NTRK2: variants seen among roughly 807,000 people sequenced by gnomAD.
NTRK2 encodes the protein BDNF/NT-3 growth factors receptor.
Under a neutral mutation model 94.5 loss-of-function variants are expected in NTRK2, and 13 were observed. The observed-to-expected ratio is 0.14, with a 90% CI of 0.09 to 0.22. The LOEUF (loss-of-function observed/expected upper bound fraction) is 0.22. Ranked by LOEUF, NTRK2 falls within the 10% of genes least tolerant of loss-of-function variation. NTRK2 has a pLI of 1.00. For synonymous variants in NTRK2, 372 were observed against 407.4 expected, an observed-to-expected ratio of 0.91 and a Z score of 1.05; for missense variants, 639 against 1,071.2, an observed-to-expected ratio of 0.60 and a Z score of 5.63.
intron 14 of NTRK2, among the ~76,000 whole-genome samples, chr9:84,925,136 C>A (rs931889968): frequency 3.3e-5 from 5 of 152,026 alleles, no homozygotes; most frequent in African/African-American, 1.2e-4. Flanking sequence ...CCACTGCCCT[C>A]TCTGCACCTT....
At chr9:84,799,474 G>A (rs888495898) in intron 12 of NTRK2, among the ~76,000 whole-genome samples, 1 of 152,134 alleles carries the variant, frequency 6.6e-6, no homozygotes, top group Non-Finnish European at 1.5e-5. Context: ...TCAGCTCTAG[G>A]TGAGTTTTTG....
intron 14 of NTRK2, among the ~76,000 whole-genome samples, chr9:84,922,902 T>C (rs1587939964): frequency 6.6e-6 from 1 of 152,162 alleles, no homozygotes; most frequent in African/African-American, 2.4e-5. Context: ...AAACAGATAT[T>C]AACACTACCT....
intron 12 of NTRK2, among the ~76,000 whole-genome samples, chr9:84,762,745 A>G (rs1335249644): frequency 6.6e-6 from 1 of 152,174 alleles, no homozygotes; most frequent in African/African-American, 2.4e-5. Flanking sequence ...GAGTAGCAGA[A>G]AATTAATCTC....
intron 7 of NTRK2, 97 bp downstream of exon 7, chr9:84,723,806 A>G (rs2062239414): frequency 6.7e-7 from 1 of 1,498,684 alleles, no homozygotes; most frequent in East Asian, 2.3e-5. Context: ...GATATTTTAT[A>G]AGGCTACATA....
At chr9:84,883,642 G>T (rs143743834) in intron 14 of NTRK2, among the ~76,000 whole-genome samples, 1 of 152,236 alleles carries the variant, frequency 6.6e-6, no homozygotes, top group East Asian at 1.9e-4. Context: ...ACCAAATAGC[G>T]GATGAGAAGA....
At chr9:84,832,950 C>T (rs539883774) in intron 12 of NTRK2, among the ~76,000 whole-genome samples, 1 of 152,252 alleles carries the variant, frequency 6.6e-6, no homozygotes, top group South Asian at 2.1e-4. Context: ...GGCACTCCTG[C>T]ACACTCTATG....
rs895493176 is a variant in NTRK2, at chr9:84,841,627, C to T, written c.1397-19413C>T. On this transcript the variant is annotated intron_variant, in intron 12 of 18. Coordinates refer to ENST00000277120, the MANE Select transcript of NTRK2 (RefSeq NM_006180.6). ...TCTTTGTTCAAATATCACTGTCTCC[C>T]GGAGGCCTTCCCTAACCATTGTTTT... Among the ~76,000 whole-genome samples, 33 of 152,272 alleles carry T rather than the reference C, an allele frequency of 2.2e-4. 1 individual carries two copies. Among genetic ancestry groups the T allele is most frequent in the Non-Finnish European group, 2.4e-4 (16 of 68,022 alleles).
At chr9:84,968,523 G>GT (rs1825824814) in intron 17 of NTRK2, among the ~76,000 whole-genome samples, 1 of 152,294 alleles carries the variant, frequency 6.6e-6, no homozygotes, top group African/African-American at 2.4e-5. Flanking sequence ...GGGAATCTGG[G>GT]TTTTTTGTCC....
At chr9:84,789,214 G>A (rs2068460023) in intron 12 of NTRK2, among the ~76,000 whole-genome samples, 1 of 152,162 alleles carries the variant, frequency 6.6e-6, no homozygotes, top group African/African-American at 2.4e-5. Context: ...ACACAGAGAG[G>A]CTACTGCCTG....
At chr9:84,885,923 C>T (rs971529820) in intron 14 of NTRK2, among the ~76,000 whole-genome samples, 3 of 152,042 alleles carry the variant, frequency 2.0e-5, no homozygotes, top group Non-Finnish European at 2.9e-5. Context: ...CCCAGCTACT[C>T]AGGAGGCTGA....
chr9:84,703,026 T>C (rs2060827905), intron 4 of NTRK2, among the ~76,000 whole-genome samples: 1 of 152,240 alleles, frequency 6.6e-6, no homozygotes. Context: ...AAATGGGAAC[T>C]GTTAGCTTGT....
At chr9:84,852,033 C>T (rs1291269325) in intron 12 of NTRK2, among the ~76,000 whole-genome samples, 3 of 152,220 alleles carry the variant, frequency 2.0e-5, no homozygotes, top group Non-Finnish European at 4.4e-5. Flanking sequence ...CCTTCCTTCA[C>T]GCTGGGCTCA....
At chr9:85,011,708 A>T (rs1378565989) in intron 17 of NTRK2, among the ~76,000 whole-genome samples, 1 of 152,162 alleles carries the variant, frequency 6.6e-6, no homozygotes, top group Admixed American at 6.5e-5. Flanking sequence ...TGGTCTGTGG[A>T]ACTTTCCTGT....
At chr9:84,831,317 G>A (rs560760368) in intron 12 of NTRK2, among the ~76,000 whole-genome samples, 8 of 152,258 alleles carry the variant, frequency 5.3e-5, no homozygotes, top group East Asian at 1.9e-4. Flanking sequence ...CCATTTGTTA[G>A]CAACCTTGTT....
intron 14 of NTRK2, among the ~76,000 whole-genome samples, chr9:84,893,350 C>T (rs866764478): frequency 2.0e-5 from 3 of 152,222 alleles, no homozygotes; most frequent in African/African-American, 7.2e-5. Flanking sequence ...TGTAAGTGCA[C>T]CTCTTTGTGC....
At chr9:84,916,020 T>C (rs10868238) in intron 14 of NTRK2, among the ~76,000 whole-genome samples, 73,667 of 151,634 alleles carry the variant, frequency 0.49, 19,383 homozygotes, top group South Asian at 0.65. Flanking sequence ...AGGGTCCAAA[T>C]TGGGGAGCTC....
At chr9:84,858,343 T>G (rs1009174058) in intron 12 of NTRK2, among the ~76,000 whole-genome samples, 17 of 152,156 alleles carry the variant, frequency 1.1e-4, no homozygotes, top group African/African-American at 3.9e-4. Flanking sequence ...TTTTGTTTGT[T>G]TGTTTGTTGT....
At position 84,670,731 on chromosome 9, in the gene NTRK2, T is replaced by A; in HGVS notation, c.-18T>A. The A allele has an allele frequency of 6.2e-7, 1 of 1,610,800 alleles. No homozygotes were observed. Among genetic ancestry groups the A allele is most frequent in the Non-Finnish European group, 8.5e-7 (1 of 1,179,760 alleles). ...GCAGCGCGGGGACAGGCACTCGGGC[T>A]GGCACTGGCTGCTAGGGATGTCGTC... On this transcript the variant is annotated 5_prime_UTR_variant, in exon 2 of 19. Coordinates refer to ENST00000277120, the MANE Select transcript of NTRK2 (RefSeq NM_006180.6).
intron 17 of NTRK2, among the ~76,000 whole-genome samples, chr9:84,967,071 T>C (rs888662098): frequency 5.3e-5 from 8 of 152,222 alleles, no homozygotes; most frequent in Admixed American, 3.9e-4. Context: ...CAAGAACTAT[T>C]TCTTACGGTA....
Sources: allele counts gnomAD v4.1 joint callset (sites outside exome capture counted in the v4.1 genomes callset), GRCh38; gene constraint gnomAD v4.1.1; transcripts MANE v1.5; gene names NCBI Gene and HGNC (gene_info 2026-07-23, HGNC 2026-07-21).